Variants in FLT4 observed in about 807,000 individuals in gnomAD.
FLT4 encodes vascular endothelial growth factor receptor 3.
FLT4 carries 30 observed loss-of-function variants against 163.2 expected under a neutral mutation model. The observed-to-expected ratio is 0.18, with a 90% CI of 0.14 to 0.25. FLT4 has a LOEUF of 0.25. Among genes scored for constraint, FLT4 ranks in the 10% least tolerant of loss-of-function variants. FLT4 has a pLI of 1.00. For synonymous variants in FLT4, 884 were observed against 789.5 expected, an observed-to-expected ratio of 1.12 and a Z score of -2.01; for missense variants, 1,510 against 1,863.8, an observed-to-expected ratio of 0.81 and a Z score of 3.50.
intron 1 of FLT4, among the ~76,000 whole-genome samples, chr5:180,645,608 TC>T (rs992773440): frequency 6.6e-6 from 1 of 152,148 alleles, no homozygotes; most frequent in African/African-American, 2.4e-5. Context: ...ACCACCTGGA[TC>T]TACCCAGGCC....
intron 29 of FLT4, among the ~76,000 whole-genome samples, chr5:180,604,167 A>C (rs903694815): frequency 6.6e-6 from 1 of 152,046 alleles, no homozygotes; most frequent in Non-Finnish European, 1.5e-5. Flanking sequence ...CACTCACTGG[A>C]GCTCTGTCCC....
At chr5:180,626,294 T>A (rs200620757) in intron 8 of FLT4, 29 bp from the exon 9 acceptor site, 83 of 1,608,644 alleles carry the variant, frequency 5.2e-5, no homozygotes, top group Non-Finnish European at 6.2e-5. Flanking sequence ...TCAGGGCCCA[T>A]ACAGATCCCA....
intron 1 of FLT4, among the ~76,000 whole-genome samples, chr5:180,643,640 C>G (rs977896023): frequency 4.6e-5 from 7 of 152,128 alleles, no homozygotes; most frequent in African/African-American, 7.2e-5. Flanking sequence ...CCTTGGCCTC[C>G]TTGCCACCCA....
intron 10 of FLT4, among the ~76,000 whole-genome samples, chr5:180,624,320 G>C (rs1763428697): frequency 6.6e-6 from 1 of 151,250 alleles, no homozygotes; most frequent in South Asian, 2.1e-4. Context: ...TCCGCCTCCT[G>C]GGTTCAAGCG....
At position 180,620,774 on chromosome 5, in the gene FLT4, A is replaced by C. The variant is rs143867526; in HGVS notation, c.2300-59T>G. The C allele has an allele frequency of 3.8e-6, 6 of 1,595,772 alleles. No individual in the cohort carries two copies. The highest frequency in any genetic ancestry group is 5.1e-6 in the Non-Finnish European group (6 of 1,165,908). On this transcript the variant is annotated intron_variant, in intron 15 of 29. Coordinates refer to ENST00000261937, the MANE Select transcript of FLT4 (RefSeq NM_182925.5). The surrounding 1 kb of genome is among the most constrained non-coding windows in gnomAD (Gnocchi z 4.4). ...TGTGTGTGTAAGAGCGTGCACCTGCAGGCAGCACCCCTTCTGGTGGCCACG... is the reference window on the plus strand; with the variant it reads ...TGTGTGTGTAAGAGCGTGCACCTGCCGGCAGCACCCCTTCTGGTGGCCACG...
Position 180,603,826 on chromosome 5 carries a change from C to A in FLT4, c.3894-436G>T, listed in dbSNP as rs372062441. 5.5e-3 allele frequency among the ~76,000 whole-genome samples: 842 copies of A among 152,042 alleles called. 8 individuals are homozygous for A. The highest frequency in any genetic ancestry group is 0.019 in the African/African-American group (807 of 41,408). ...GGCTGAGGCAGGAGAATGGCGTGAA[C>A]CCGGGAGGCGGAGCTTGCAGTGAGC... is the stretch of plus-strand genomic sequence containing the variant. On this transcript the variant is annotated intron_variant, in intron 29 of 29. Coordinates refer to ENST00000261937, the MANE Select transcript of FLT4 (RefSeq NM_182925.5).
rs371550380 is a variant in FLT4 at position 180,614,078 on chromosome 5, G to A, written c.3321C>T (p.Ile1107=). The A allele has an allele frequency of 2.5e-6, 4 of 1,611,380 alleles. No homozygotes were observed. The African/African-American group carries it at 5.3e-5, about 21-fold the overall frequency. ...VWSFGVLLWE[I]FSLGASPYPG... Reference sequence around the variant, plus strand: ...CCATCCTGCACTCACCCAGAGAGAAGATCTCCCAGAGAAGCACCCCAAAGG... The same window carrying A: ...CCATCCTGCACTCACCCAGAGAGAAAATCTCCCAGAGAAGCACCCCAAAGG... The change falls in exon 24 of 30, where the codon ATC becomes ATT. Residue 1107 remains isoleucine (I), a synonymous_variant. Coordinates refer to ENST00000261937, the MANE Select transcript of FLT4 (RefSeq NM_182925.5).
Position 180,602,574 on chromosome 5 carries a change from C to T in FLT4, c.*618G>A, listed in dbSNP as rs1399712943. 3 of 400,232 alleles carry T rather than the reference C, an allele frequency of 7.5e-6. No homozygotes were observed. The highest frequency in any genetic ancestry group is 8.7e-5 in the Admixed American group (2 of 23,038). The allele number at this position is 400,232 out of a possible 1,614,324, so 24.8% of individuals were successfully genotyped here. A position where few individuals can be genotyped will look rare whatever the true frequency, so the allele number is the denominator to read the frequency against. ...GTGCGGGCTGCCTCTGTGTTGCCAG[C>T]GTATAATACTGTCATACTGGTGGCC... On this transcript the variant is annotated 3_prime_UTR_variant, in exon 30 of 30. Transcript: ENST00000261937.
intron 28 of FLT4, 126 bp downstream of exon 28, chr5:180,609,779 G>T: frequency 1.7e-6 from 2 of 1,198,804 alleles, no homozygotes; most frequent in Non-Finnish European, 2.5e-6. Flanking sequence ...GCTCACCCTG[G>T]ACTTGCACTT....
At chr5:180,613,905 G>A (rs950762676) in intron 24 of FLT4, 163 bp downstream of exon 24, 4 of 694,090 alleles carry the variant, frequency 5.8e-6, no homozygotes, top group African/African-American at 3.5e-5. Flanking sequence ...GGGCCAGGCT[G>A]GGGAGAGGTG....
At chr5:180,632,134 G>A (rs72818977) in intron 1 of FLT4, among the ~76,000 whole-genome samples, 8,168 of 152,176 alleles carry the variant, frequency 0.054, 337 homozygotes, top group East Asian at 0.1. Flanking sequence ...TCCACATCAC[G>A]GCCCCTGCAG....
In FLT4 at chr5:180,619,380, G is replaced by C. The variant is rs754023037; in HGVS notation, c.2648-14C>G. 3 of 1,589,098 alleles carry C rather than the reference G, an allele frequency of 1.9e-6. No individual in the cohort carries two copies. The highest frequency in any genetic ancestry group is 2.6e-6 in the Non-Finnish European group (3 of 1,163,914). ...CCGTGGCGCCCTCTGGAGGGGACAC[G>C]GGCCTCACACCGGCCCCGACCCTGG... is the stretch of plus-strand genomic sequence containing the variant. On this transcript the variant is annotated splice_polypyrimidine_tract_variant and intron_variant, in intron 18 of 29. Coordinates refer to ENST00000261937, the MANE Select transcript of FLT4 (RefSeq NM_182925.5).
chr5:180,601,880 G>A lies in FLT4; in HGVS notation c.*1312C>T, dbSNP rs1202008572. 5 of 233,450 alleles carry A rather than the reference G, an allele frequency of 2.1e-5. No individual in the cohort carries two copies. Among genetic ancestry groups the A allele is most frequent in the South Asian group, 1.8e-4 (1 of 5,522 alleles). 14.5% of individuals were successfully genotyped at this position (233,450 alleles called of 1,614,324 possible). A position where few individuals can be genotyped will look rare whatever the true frequency, so the allele number is the denominator to read the frequency against. ...GGCAAGCCCCTGCCCGCTGCGCGGC[G>A]CCTGTCCTGCAAGCGTCTGGTGCGT... On this transcript the variant is annotated 3_prime_UTR_variant, in exon 30 of 30. Transcript: ENST00000261937.
Position 180,643,240 on chromosome 5 carries a change from C to T in FLT4, c.58+6248G>A, listed in dbSNP as rs568004850. Reference sequence around the variant, plus strand: ...ACCCCGCTCATCCCCCACAGCCAATCGGTCACCAAGTGCCTCCATTCTGAG... The same window carrying T: ...ACCCCGCTCATCCCCCACAGCCAATTGGTCACCAAGTGCCTCCATTCTGAG... On this transcript the variant is annotated intron_variant, in intron 1 of 29. Transcript: ENST00000261937. Among the ~76,000 whole-genome samples the T allele has an allele frequency of 5.0e-4, 76 of 152,356 alleles. 1 individual carries two copies. Among genetic ancestry groups the T allele is most frequent in the Admixed American group, 1.6e-3 (24 of 15,308 alleles).
chr5:180,619,532 G>T, intron 18 of FLT4, 133 bp downstream of exon 18: 2 of 987,580 alleles, frequency 2.0e-6, no homozygotes, highest in Non-Finnish European at 3.3e-6. Flanking sequence ...GAAGCCCGCA[G>T]CCTCCCTGTA....
chr5:180,603,665 G>A lies in FLT4; in HGVS notation c.3894-275C>T, dbSNP rs1461225305. Among the ~76,000 whole-genome samples the A allele has an allele frequency of 3.9e-5, 6 of 152,220 alleles. 1 individual carries two copies. Among genetic ancestry groups the A allele is most frequent in the Admixed American group, 1.3e-4 (2 of 15,288 alleles). ...GCCTGTAATCCCAGCACTTTGCTGG[G>A]AGACCGAGGCGGGCGGATCACGAGG... On this transcript the variant is annotated intron_variant, in intron 29 of 29. Transcript: ENST00000261937.
intron 11 of FLT4, 92 bp from the exon 12 acceptor site, chr5:180,622,931 C>CA (rs1039394975): frequency 2.5e-6 from 2 of 792,824 alleles, no homozygotes; most frequent in South Asian, 1.4e-5. Flanking sequence ...GTGCACCACC[C>CA]CCCCCAATCA....
chr5:180,621,807 G>A lies in FLT4; in HGVS notation c.1755C>T (p.Tyr585=), dbSNP rs1415338572. 1.8e-5 allele frequency: 29 copies of A among 1,613,296 alleles called. No homozygotes were observed. Among genetic ancestry groups the A allele is most frequent in the African/African-American group, 2.7e-5 (2 of 74,928 alleles). ...TGAGGCGGTACCAGCGCAGATGCTC[G>A]TACTTGTAGCTGTCGGCTTGGCAGC... ...LLSCQADSYK[Y]EHLRWYRLNL... is the part of the protein sequence containing the mutation. The change falls in exon 13 of 30, where the codon TAC becomes TAT. Residue 585 remains tyrosine, a synonymous_variant. Coordinates refer to ENST00000261937, the MANE Select transcript of FLT4 (RefSeq NM_182925.5).
chr5:180,631,937 G>C (rs984939418), intron 1 of FLT4, among the ~76,000 whole-genome samples, 159 bp from the exon 2 acceptor site: 5 of 151,438 alleles, frequency 3.3e-5, no homozygotes, highest in African/African-American at 1.2e-4. Flanking sequence ...CACCATGTGC[G>C]CCGTGAGCAG....
Sources: allele counts gnomAD v4.1 joint callset (sites outside exome capture counted in the v4.1 genomes callset), GRCh38; gene constraint gnomAD v4.1.1; non-coding constraint Gnocchi (gnomAD v3.1); transcripts MANE v1.5; gene names NCBI Gene and HGNC (gene_info 2026-07-23, HGNC 2026-07-21).